GNAQ: variants seen among roughly 807,000 people sequenced by gnomAD.
GNAQ encodes guanine nucleotide-binding protein G(q) subunit alpha.
Under a neutral mutation model 43.9 loss-of-function variants are expected in GNAQ, and 8 were observed. The observed-to-expected ratio is 0.18, with a 90% CI of 0.11 to 0.33. GNAQ has a LOEUF of 0.33. Among genes scored for constraint, GNAQ ranks in the 10% least tolerant of loss-of-function variants. The pLI is 1.00. For synonymous variants in GNAQ, 155 were observed against 170.7 expected, an observed-to-expected ratio of 0.91 and a Z score of 0.71; for missense variants, 158 against 450.8, an observed-to-expected ratio of 0.35 and a Z score of 5.88.
At chr9:77,822,070 G>C (rs1827126258) in intron 2 of GNAQ, among the ~76,000 whole-genome samples, 1 of 152,172 alleles carries the variant, frequency 6.6e-6, no homozygotes, top group Non-Finnish European at 1.5e-5. Flanking sequence ...ACAGAGGTCT[G>C]TGCTGCAGAA....
intron 2 of GNAQ, among the ~76,000 whole-genome samples, chr9:77,872,116 C>T (rs1352231116): frequency 6.6e-6 from 1 of 152,182 alleles, no homozygotes; most frequent in Non-Finnish European, 1.5e-5. Context: ...CTTATACCTT[C>T]CTACCATATT....
At chr9:78,000,532 G>A (rs995672201) in intron 1 of GNAQ, among the ~76,000 whole-genome samples, 5 of 152,168 alleles carry the variant, frequency 3.3e-5, no homozygotes, top group African/African-American at 7.2e-5. Flanking sequence ...GATGATACAT[G>A]CAGAAGATGA....
chr9:78,006,551 A>G (rs1323407368), intron 1 of GNAQ, among the ~76,000 whole-genome samples: 3 of 152,154 alleles, frequency 2.0e-5, no homozygotes, highest in African/African-American at 7.2e-5. Context: ...CAGGACTAAA[A>G]CCTTTCCAAG....
chr9:78,000,795 T>C (rs940044275), intron 1 of GNAQ, among the ~76,000 whole-genome samples: 1 of 152,204 alleles, frequency 6.6e-6, no homozygotes, highest in Non-Finnish European at 1.5e-5. Context: ...TGGTAGAACT[T>C]ACTAAAATAA....
intron 1 of GNAQ, among the ~76,000 whole-genome samples, chr9:77,962,498 G>T (rs1823117877): frequency 6.6e-6 from 1 of 152,040 alleles, no homozygotes; most frequent in Non-Finnish European, 1.5e-5. Flanking sequence ...TCAATATGAA[G>T]ATAAAAATGG....
At chr9:77,810,160 CATCT>C (rs1826893664) in intron 3 of GNAQ, among the ~76,000 whole-genome samples, 1 of 152,090 alleles carries the variant, frequency 6.6e-6, no homozygotes, top group Non-Finnish European at 1.5e-5. Flanking sequence ...TCTACTGATT[CATCT>C]ATCTACCTAT....
intron 1 of GNAQ, among the ~76,000 whole-genome samples, chr9:78,016,634 A>T (rs890169543): frequency 2.6e-5 from 4 of 151,884 alleles, no homozygotes; most frequent in African/African-American, 7.3e-5. Context: ...GTGAGCCAAG[A>T]TCACGCCACT....
intron 1 of GNAQ, among the ~76,000 whole-genome samples, chr9:78,011,929 G>T (rs905404142): frequency 3.3e-5 from 5 of 152,132 alleles, no homozygotes; most frequent in African/African-American, 4.8e-5. Flanking sequence ...TGAAATGAAA[G>T]AATATTATAG....
chr9:77,838,007 G>A (rs548035428), intron 2 of GNAQ, among the ~76,000 whole-genome samples: 5 of 151,790 alleles, frequency 3.3e-5, no homozygotes, highest in East Asian at 1.9e-4. Flanking sequence ...ACAGGTATGC[G>A]CCACCACGCC....
intron 5 of GNAQ, among the ~76,000 whole-genome samples, chr9:77,764,752 G>A (rs539021552): frequency 2.6e-5 from 4 of 152,124 alleles, no homozygotes; most frequent in Non-Finnish European, 5.9e-5. Context: ...ACCGCGCCCA[G>A]CCGAAAAGAC....
At chr9:77,893,848 G>A (rs1828444177) in intron 2 of GNAQ, among the ~76,000 whole-genome samples, 1 of 152,128 alleles carries the variant, frequency 6.6e-6, no homozygotes, top group Non-Finnish European at 1.5e-5. Context: ...GCCATTAGAG[G>A]GTACAGCCTC....
chr9:77,895,945 G>C (rs1828497114), intron 2 of GNAQ, among the ~76,000 whole-genome samples: 1 of 152,124 alleles, frequency 6.6e-6, no homozygotes, highest in African/African-American at 2.4e-5. Flanking sequence ...CCAGTCACGT[G>C]GAACTGAGTC....
intron 2 of GNAQ, among the ~76,000 whole-genome samples, chr9:77,830,394 G>A (rs113052113): frequency 9.9e-4 from 150 of 152,272 alleles, no homozygotes; most frequent in African/African-American, 3.6e-3. Context: ...GACAAAGATA[G>A]TAAGTTTTGT....
chr9:77,828,971 C>A (rs1032058640), intron 2 of GNAQ, among the ~76,000 whole-genome samples: 1 of 152,184 alleles, frequency 6.6e-6, no homozygotes, highest in Non-Finnish European at 1.5e-5. Flanking sequence ...ACCAGCCAAA[C>A]AGAACAGAGC....
chr9:77,957,904 C>T (rs1823062301), intron 1 of GNAQ, among the ~76,000 whole-genome samples: 1 of 152,156 alleles, frequency 6.6e-6, no homozygotes, highest in Admixed American at 6.5e-5. Context: ...TATCTCCTGG[C>T]AACTTACATA....
At chr9:77,769,919 G>A (rs1246123225) in intron 5 of GNAQ, among the ~76,000 whole-genome samples, 1 of 152,058 alleles carries the variant, frequency 6.6e-6, no homozygotes, top group Non-Finnish European at 1.5e-5. Flanking sequence ...GCCCGCCTCT[G>A]CCTCCCAAAG....
intron 1 of GNAQ, among the ~76,000 whole-genome samples, chr9:77,993,754 T>A (rs1823536571): frequency 6.6e-6 from 1 of 151,972 alleles, no homozygotes; most frequent in South Asian, 2.1e-4. Flanking sequence ...ATAAAGGTAC[T>A]CACAATATTG....
intron 2 of GNAQ, among the ~76,000 whole-genome samples, chr9:77,879,919 C>T (rs908412998): frequency 6.6e-6 from 1 of 152,096 alleles, no homozygotes; most frequent in Admixed American, 6.5e-5. Flanking sequence ...TTTTACAGCC[C>T]CTGTCTGGTT....
intron 5 of GNAQ, among the ~76,000 whole-genome samples, chr9:77,784,023 C>T (rs77459635): frequency 8.8e-4 from 134 of 152,134 alleles, no homozygotes; most frequent in Middle Eastern, 3.4e-3. Context: ...AGAAGAAATA[C>T]GTAAGTTTAC....
Sources: allele counts gnomAD v4.1 joint callset (sites outside exome capture counted in the v4.1 genomes callset), GRCh38; gene constraint gnomAD v4.1.1; transcripts MANE v1.5; gene names NCBI Gene and HGNC (gene_info 2026-07-23, HGNC 2026-07-21).